ASTN1: variants seen among roughly 807,000 people sequenced by gnomAD.
ASTN1 encodes the protein astrotactin-1.
In ASTN1, 41 loss-of-function variants were observed where a neutral mutation model predicts 140.7. The observed-to-expected ratio is 0.29, with a 90% CI of 0.23 to 0.38. The LOEUF (loss-of-function observed/expected upper bound fraction) is 0.38. Ranked by LOEUF, ASTN1 falls within the 10% of genes least tolerant of loss-of-function variation. ASTN1 has a pLI of 1.00. For missense variants in ASTN1, 1,479 were observed against 1,678.8 expected (o/e 0.88, Z 2.08); for synonymous variants, 640 against 652.2 (o/e 0.98, Z 0.29).
chr1:176,894,772 G>A lies in ASTN1; in HGVS notation c.2730C>T (p.Phe910=). ...ERERDPKVLT[F]PEYITSLSDS... Reference sequence around the variant, plus strand: ...CTGACAAGCTGGTGATGTATTCTGGGAATGTCAGCACCTTGGGGTCTCTTT... The same window carrying A: ...CTGACAAGCTGGTGATGTATTCTGGAAATGTCAGCACCTTGGGGTCTCTTT... The change falls in exon 17 of 23, where the codon TTC becomes TTT. Residue 910 remains phenylalanine, a synonymous_variant. Coordinates refer to ENST00000361833, the MANE Select transcript of ASTN1 (RefSeq NM_004319.3). The A allele has an allele frequency of 2.5e-6, 4 of 1,614,172 alleles. No individual in the cohort carries two copies. Among genetic ancestry groups the A allele is most frequent in the Non-Finnish European group, 3.4e-6 (4 of 1,180,038 alleles).
At chr1:177,002,583 C>G (rs992397705) in intron 8 of ASTN1, among the ~76,000 whole-genome samples, 1 of 151,850 alleles carries the variant, frequency 6.6e-6, no homozygotes, top group African/African-American at 2.4e-5. Context: ...TTTTATCACA[C>G]GCATTCCTTT....
chr1:176,887,353 T>A (rs1445861543), intron 18 of ASTN1, among the ~76,000 whole-genome samples: 1 of 152,324 alleles, frequency 6.6e-6, no homozygotes, highest in East Asian at 1.9e-4. Context: ...GATTCTTCTT[T>A]GCTCACTGGT....
intron 1 of ASTN1, among the ~76,000 whole-genome samples, chr1:177,146,905 G>A (rs1682743859): frequency 6.6e-6 from 1 of 152,138 alleles, no homozygotes; most frequent in Non-Finnish European, 1.5e-5. Context: ...TTAGCTTGCA[G>A]CAAAAGTGCT....
intron 1 of ASTN1, among the ~76,000 whole-genome samples, chr1:177,141,516 G>T (rs540959493): frequency 5.5e-4 from 84 of 152,248 alleles, no homozygotes; most frequent in Middle Eastern, 6.8e-3. Flanking sequence ...ATTCCTCTCT[G>T]TATTTTTGGT....
intron 8 of ASTN1, among the ~76,000 whole-genome samples, chr1:176,973,399 A>G (rs1289909556): frequency 6.6e-6 from 1 of 152,038 alleles, no homozygotes; most frequent in African/African-American, 2.4e-5. Context: ...ACGCTCCTCT[A>G]TCACTTCATC....
chr1:176,862,648 G>A lies in ASTN1; in HGVS notation c.*1636C>T. On this transcript the variant is annotated 3_prime_UTR_variant, in exon 23 of 23. Transcript: ENST00000361833. ...ACTGAAACTCAGTGTGAGTTACAGTGCACAAGGGATTTGAGGCAAGTTGTA... is the reference window on the plus strand; with the variant it reads ...ACTGAAACTCAGTGTGAGTTACAGTACACAAGGGATTTGAGGCAAGTTGTA... The A allele has an allele frequency of 1.1e-6, 1 of 950,852 alleles. No homozygotes were observed. Among genetic ancestry groups the A allele is most frequent in the Non-Finnish European group, 1.3e-6 (1 of 798,628 alleles). The allele number at this position is 950,852 out of a possible 1,614,324, so 58.9% of individuals were successfully genotyped here.
At chr1:176,959,179 C>T (rs1672546636) in intron 9 of ASTN1, among the ~76,000 whole-genome samples, 1 of 152,078 alleles carries the variant, frequency 6.6e-6, no homozygotes, top group Non-Finnish European at 1.5e-5. Context: ...CTTAAGAAAA[C>T]CATGAGAGAT....
At chr1:177,089,065 T>C (rs227530) in intron 1 of ASTN1, among the ~76,000 whole-genome samples, 86,928 of 151,828 alleles carry the variant, frequency 0.57, 26,137 homozygotes, top group African/African-American at 0.7. Flanking sequence ...CAGACAAAGG[T>C]GGTGAGCAAG....
At chr1:177,075,044 A>G (rs182084460) in intron 1 of ASTN1, among the ~76,000 whole-genome samples, 7 of 152,048 alleles carry the variant, frequency 4.6e-5, no homozygotes, top group Non-Finnish European at 5.9e-5. Context: ...ATATACAGTT[A>G]ATTAATAATC....
intron 8 of ASTN1, among the ~76,000 whole-genome samples, chr1:177,004,255 T>G (rs1415381095): frequency 6.6e-6 from 1 of 151,942 alleles, no homozygotes; most frequent in Admixed American, 6.6e-5. Context: ...GGAAAATACT[T>G]AACCAAGGAG....
chr1:177,151,591 C>T (rs1683037876), intron 1 of ASTN1, among the ~76,000 whole-genome samples: 1 of 152,100 alleles, frequency 6.6e-6, no homozygotes, highest in Non-Finnish European at 1.5e-5. Flanking sequence ...TGAATAACTT[C>T]ATGGAGTAGG....
chr1:176,861,698 GTACA>G lies in ASTN1; in HGVS notation c.*2582_*2585del. 1.0e-6 allele frequency: 1 copy of G among 985,278 alleles called. No homozygotes were observed. The highest frequency in any genetic ancestry group is 1.2e-6 in the Non-Finnish European group (1 of 829,874). 61.0% of individuals were successfully genotyped at this position (985,278 alleles called of 1,614,324 possible). Reference sequence around the variant, plus strand: ...TGTGTGTGCACACGTGTGTGTGTGTGTACATACATACACACATTCAGTGGGGAGA... The same window carrying G: ...TGTGTGTGCACACGTGTGTGTGTGTGTACATACACACATTCAGTGGGGAGA... On this transcript the variant is annotated 3_prime_UTR_variant, in exon 23 of 23. Coordinates refer to ENST00000361833, the MANE Select transcript of ASTN1 (RefSeq NM_004319.3).
intron 16 of ASTN1, among the ~76,000 whole-genome samples, chr1:176,898,313 A>G (rs1010360252): frequency 2.6e-5 from 4 of 152,140 alleles, no homozygotes; most frequent in Non-Finnish European, 4.4e-5. Flanking sequence ...GCCAAGACCC[A>G]CTGCCTTCTG....
chr1:177,076,905 A>T (rs990312901), intron 1 of ASTN1, among the ~76,000 whole-genome samples: 3 of 152,118 alleles, frequency 2.0e-5, no homozygotes, highest in Non-Finnish European at 2.9e-5. Context: ...CTCTTTAATT[A>T]TCCTGTCTAG....
chr1:177,129,932 G>C (rs543707099), intron 1 of ASTN1, among the ~76,000 whole-genome samples: 1 of 152,134 alleles, frequency 6.6e-6, no homozygotes, highest in South Asian at 2.1e-4. Flanking sequence ...TTGACACTGC[G>C]CTCCAGCCTG....
At chr1:177,150,406 A>G (rs1682975688) in intron 1 of ASTN1, among the ~76,000 whole-genome samples, 1 of 152,184 alleles carries the variant, frequency 6.6e-6, no homozygotes, top group South Asian at 2.1e-4. Flanking sequence ...TGGGAAATTG[A>G]TCTACCTCTG....
intron 16 of ASTN1, among the ~76,000 whole-genome samples, chr1:176,912,553 T>A (rs1355817092): frequency 6.6e-6 from 1 of 152,214 alleles, no homozygotes; most frequent in African/African-American, 2.4e-5. Flanking sequence ...AATGCTTTAG[T>A]ATACCCATTC....
chr1:176,929,824 C>T (rs1055398239), intron 16 of ASTN1, among the ~76,000 whole-genome samples: 4 of 152,110 alleles, frequency 2.6e-5, no homozygotes, highest in Non-Finnish European at 5.9e-5. Context: ...CTGGCTAACA[C>T]GGTGAAACCC....
At chr1:176,924,376 T>G (rs1197887872) in intron 16 of ASTN1, among the ~76,000 whole-genome samples, 1 of 152,202 alleles carries the variant, frequency 6.6e-6, no homozygotes, top group Non-Finnish European at 1.5e-5. Flanking sequence ...CTTTCAAGTC[T>G]CAGCTCAAAA....
Sources: allele counts gnomAD v4.1 joint callset (sites outside exome capture counted in the v4.1 genomes callset), GRCh38; gene constraint gnomAD v4.1.1; transcripts MANE v1.5; gene names NCBI Gene and HGNC (gene_info 2026-07-23, HGNC 2026-07-21).